PKN2: variants seen among roughly 807,000 people sequenced by gnomAD.
PKN2 encodes the protein serine/threonine-protein kinase N2.
Under a neutral mutation model 119.1 loss-of-function variants are expected in PKN2, and 38 were observed. The observed-to-expected ratio is 0.32, with a 90% CI of 0.25 to 0.42. PKN2 has a LOEUF of 0.42. Among genes scored for constraint, PKN2 ranks in the 10% least tolerant of loss-of-function variants. PKN2 has a pLI of 1.00. For missense variants in PKN2, 850 were observed against 1,165.1 expected (o/e 0.73, Z 3.94); for synonymous variants, 390 against 384.9 (o/e 1.01, Z -0.15).
intron 6 of PKN2, among the ~76,000 whole-genome samples, chr1:88,772,281 T>C (rs1557600799): frequency 6.6e-6 from 1 of 152,196 alleles, no homozygotes; most frequent in Non-Finnish European, 1.5e-5. Context: ...ACTTAGCATA[T>C]TGTTGTCAAG....
intron 8 of PKN2, among the ~76,000 whole-genome samples, chr1:88,793,517 T>C (rs1670933369): frequency 6.6e-6 from 1 of 152,174 alleles, no homozygotes; most frequent in African/African-American, 2.4e-5. Flanking sequence ...GTTTCTGTTA[T>C]TTCTTGAACA....
At chr1:88,695,168 A>G (rs773508561) in intron 1 of PKN2, among the ~76,000 whole-genome samples, 11 of 152,170 alleles carry the variant, frequency 7.2e-5, no homozygotes, top group African/African-American at 2.4e-4. Context: ...ACGTCTTTAT[A>G]ATGCAAATTT....
chr1:88,724,972 C>A (rs181641737), intron 1 of PKN2, among the ~76,000 whole-genome samples: 3 of 149,456 alleles, frequency 2.0e-5, no homozygotes, highest in Admixed American at 1.3e-4. Flanking sequence ...TCTCGGCTCA[C>A]TGCAGCCTCC....
At chr1:88,783,452 C>CTT (rs72095356) in intron 6 of PKN2, among the ~76,000 whole-genome samples, 10,141 of 152,130 alleles carry the variant, frequency 0.067, 683 homozygotes, top group African/African-American at 0.18. Flanking sequence ...CGTCTTTAAC[C>CTT]TTTTTCATAT....
At chr1:88,724,528 T>C (rs1667818218) in intron 1 of PKN2, among the ~76,000 whole-genome samples, 1 of 152,120 alleles carries the variant, frequency 6.6e-6, no homozygotes, top group South Asian at 2.1e-4. Context: ...TAAATTTATG[T>C]ATAACATTGA....
intron 1 of PKN2, among the ~76,000 whole-genome samples, chr1:88,707,642 T>C (rs1262106889): frequency 6.6e-6 from 1 of 152,166 alleles, no homozygotes; most frequent in Non-Finnish European, 1.5e-5. Context: ...ATAGTTCCTT[T>C]TCCTTACAGA....
intron 1 of PKN2, among the ~76,000 whole-genome samples, chr1:88,690,876 A>G (rs989314889): frequency 1.3e-5 from 2 of 152,196 alleles, no homozygotes; most frequent in South Asian, 2.1e-4. Flanking sequence ...CAAGACTTAC[A>G]TAATATTGTT....
chr1:88,778,108 A>G (rs541104215), intron 6 of PKN2, among the ~76,000 whole-genome samples: 4 of 152,322 alleles, frequency 2.6e-5, no homozygotes, highest in Non-Finnish European at 5.9e-5. Flanking sequence ...GACCCAACTA[A>G]TGTACCTTTT....
intron 8 of PKN2, among the ~76,000 whole-genome samples, chr1:88,796,633 C>T (rs1029186947): frequency 2.1e-4 from 32 of 152,144 alleles, no homozygotes; most frequent in African/African-American, 2.7e-4. Context: ...CCAATTTGAG[C>T]AATTATGATA....
chr1:88,804,839 A>G lies in PKN2; in HGVS notation c.1426-7A>G. 1 of 1,484,316 alleles carries G rather than the reference A, an allele frequency of 6.7e-7. No homozygotes were observed. Among genetic ancestry groups the G allele is most frequent in the Non-Finnish European group, 9.2e-7 (1 of 1,083,076 alleles). 91.9% of individuals were successfully genotyped at this position (1,484,316 alleles called of 1,614,324 possible). On this transcript the variant is annotated splice_region_variant and splice_polypyrimidine_tract_variant and intron_variant, in intron 9 of 21. Transcript: ENST00000370521. Reference sequence around the variant, plus strand: ...TTTCATGTCAACTTGAATTTTCTTCACTGCAGGTTACCTTTTTTAATCCAG... The same window carrying G: ...TTTCATGTCAACTTGAATTTTCTTCGCTGCAGGTTACCTTTTTTAATCCAG...
chr1:88,704,259 C>T (rs1324997511), intron 1 of PKN2, among the ~76,000 whole-genome samples: 1 of 152,076 alleles, frequency 6.6e-6, no homozygotes. Context: ...AGGTGGGGGG[C>T]ATGGCATCTT....
intron 3 of PKN2, among the ~76,000 whole-genome samples, chr1:88,768,941 G>C (rs981510097): frequency 2.0e-5 from 3 of 152,236 alleles, no homozygotes; most frequent in Non-Finnish European, 2.9e-5. Context: ...GTCATCTGGT[G>C]AGAGGGAGCA....
At chr1:88,691,947 T>C (rs1666353282) in intron 1 of PKN2, among the ~76,000 whole-genome samples, 1 of 152,176 alleles carries the variant, frequency 6.6e-6, no homozygotes, top group Non-Finnish European at 1.5e-5. Context: ...AGCATAAGTA[T>C]GTATGTTAAA....
At chr1:88,821,496 CCTA>C (rs1435562850) in intron 16 of PKN2, among the ~76,000 whole-genome samples, 28 of 152,344 alleles carry the variant, frequency 1.8e-4, no homozygotes, top group African/African-American at 6.3e-4. Context: ...AGCCTAATCT[CCTA>C]CTTCGTCCCC....
chr1:88,735,008 T>G (rs1302133839), intron 1 of PKN2, among the ~76,000 whole-genome samples: 26 of 152,242 alleles, frequency 1.7e-4, no homozygotes, highest in Admixed American at 1.7e-3. Flanking sequence ...AGCCTTCATA[T>G]TAAAGATACA....
intron 1 of PKN2, among the ~76,000 whole-genome samples, chr1:88,710,219 T>A (rs1667171548): frequency 6.6e-6 from 1 of 152,130 alleles, no homozygotes; most frequent in African/African-American, 2.4e-5. Context: ...AAGTGCCATA[T>A]TAGTATAGAA....
chr1:88,719,491 T>TTTG (rs1185034556), intron 1 of PKN2, among the ~76,000 whole-genome samples: 2 of 152,204 alleles, frequency 1.3e-5, no homozygotes, highest in African/African-American at 4.8e-5. Context: ...TTATATTAGT[T>TTTG]TTGTTGTTGT....
chr1:88,717,070 A>T (rs1667485224), intron 1 of PKN2, among the ~76,000 whole-genome samples: 1 of 152,052 alleles, frequency 6.6e-6, no homozygotes, highest in South Asian at 2.1e-4. Context: ...GTTTGGCTGG[A>T]TATGAAATTC....
At chr1:88,728,280 T>C (rs888644281) in intron 1 of PKN2, among the ~76,000 whole-genome samples, 1 of 152,156 alleles carries the variant, frequency 6.6e-6, no homozygotes, top group Non-Finnish European at 1.5e-5. Context: ...ATTTTTGTTT[T>C]GGTTCTTCAA....
Sources: gnomAD v4.1 joint callset for allele counts (sites outside exome capture counted in the v4.1 genomes callset) on GRCh38, gnomAD v4.1.1 for gene constraint, MANE v1.5 for transcripts, NCBI Gene and HGNC (gene_info 2026-07-23, HGNC 2026-07-21) for gene names.